The following MPHOSPH8 variants were observed in gnomAD, a reference collection of about 807,000 sequenced individuals.
MPHOSPH8 encodes the protein M-phase phosphoprotein 8, also known as M-phase phosphoprotein, mpp.
Under a neutral mutation model 87.3 loss-of-function variants are expected in MPHOSPH8, and 45 were observed. The observed-to-expected ratio is 0.52, with a 90% CI of 0.41 to 0.66. MPHOSPH8 has a LOEUF of 0.66. Among genes scored for constraint, MPHOSPH8 ranks in the 30% least tolerant of loss-of-function variants. MPHOSPH8 has a pLI of 0.00. For synonymous variants in MPHOSPH8, 366 were observed against 376.9 expected (o/e 0.97, Z 0.33); for missense variants, 883 against 1,020.2 (o/e 0.87, Z 1.83).
chr13:19,659,293 A>T lies in MPHOSPH8; in HGVS notation c.1791+4A>T. On this transcript the variant is annotated splice_donor_region_variant and intron_variant, in intron 7 of 13. Transcript: ENST00000361479. Reference sequence around the variant, plus strand: ...AGAATATAACCTGGACCAAGAGGTAATATGTCGTTGAAAAATCTCATGAAA... The same window carrying T: ...AGAATATAACCTGGACCAAGAGGTATTATGTCGTTGAAAAATCTCATGAAA... 6.3e-7 allele frequency: 1 copy of T among 1,588,944 alleles called. No individual in the cohort carries two copies. The highest frequency in any genetic ancestry group is 1.1e-5 in the South Asian group (1 of 88,464).
chr13:19,650,908 C>G (rs1466692896), intron 5 of MPHOSPH8, among the ~76,000 whole-genome samples: 1 of 152,088 alleles, frequency 6.6e-6, no homozygotes, highest in Non-Finnish European at 1.5e-5. Flanking sequence ...TCTTGGATAC[C>G]GAGGGAAAAT....
At chr13:19,645,462 G>A (rs1874516585) in intron 2 of MPHOSPH8, among the ~76,000 whole-genome samples, 1 of 152,140 alleles carries the variant, frequency 6.6e-6, no homozygotes, top group Non-Finnish European at 1.5e-5. Context: ...CTTAGGCAGT[G>A]CAGGGAAGAC....
chr13:19,664,537 C>G (rs548239607), intron 9 of MPHOSPH8, among the ~76,000 whole-genome samples: 2 of 152,278 alleles, frequency 1.3e-5, no homozygotes, highest in African/African-American at 4.8e-5. Flanking sequence ...TATTTTAATG[C>G]TGCTTAGTAC....
At chr13:19,641,135 A>G (rs1874265021) in intron 1 of MPHOSPH8, among the ~76,000 whole-genome samples, 1 of 152,124 alleles carries the variant, frequency 6.6e-6, no homozygotes, top group African/African-American at 2.4e-5. Context: ...GATCAATAAT[A>G]TACTGTTTTT....
At chr13:19,642,067 T>G in intron 1 of MPHOSPH8, 48 bp from the exon 2 acceptor site, 1 of 912,118 alleles carries the variant, frequency 1.1e-6, no homozygotes, top group Non-Finnish European at 1.5e-6. Context: ...GGAAATTTAA[T>G]CAAGTTAGCA....
intron 8 of MPHOSPH8, 125 bp downstream of exon 8, chr13:19,661,963 A>AT: frequency 1.8e-6 from 2 of 1,119,422 alleles, no homozygotes; most frequent in East Asian, 5.8e-5. Context: ...TTTTTTTTAG[A>AT]CGGAGTCTCG....
intron 5 of MPHOSPH8, among the ~76,000 whole-genome samples, chr13:19,653,675 GA>G (rs1385046404): frequency 2.0e-5 from 3 of 152,166 alleles, no homozygotes; most frequent in African/African-American, 4.8e-5. Flanking sequence ...AAGGTTAGAG[GA>G]ATTGCTGACT....
rs1006982428 is a variant in MPHOSPH8, at chr13:19,642,362, A to G, written c.369+92A>G. 163 of 1,095,688 alleles carry G rather than the reference A, an allele frequency of 1.5e-4. 3 individuals carry two copies. In the South Asian group the frequency reaches 3.0e-3, roughly 20 times the overall value. The allele number at this position is 1,095,688 out of a possible 1,614,324, so 67.9% of individuals were successfully genotyped here. On this transcript the variant is annotated intron_variant, in intron 2 of 13. Transcript: ENST00000361479. Reference sequence around the variant, plus strand: ...TATGTGTAGTAAATGATTTACAAATAACAAAGTGTACCGTATTCTTTAGTG... The same window carrying G: ...TATGTGTAGTAAATGATTTACAAATGACAAAGTGTACCGTATTCTTTAGTG...
intron 13 of MPHOSPH8, 100 bp from the exon 14 acceptor site, chr13:19,671,734 C>T (rs1043806834): frequency 9.4e-7 from 1 of 1,060,416 alleles, no homozygotes; most frequent in Non-Finnish European, 1.4e-6. Context: ...GAAAATATTG[C>T]CAAATAATAG....
intron 5 of MPHOSPH8, chr13:19,650,558 AATAG>A: frequency 7.5e-6 from 2 of 266,920 alleles, no homozygotes; most frequent in South Asian, 2.4e-4. Flanking sequence ...CTTACTATTT[AATAG>A]ATTTCTTTCA....
chr13:19,671,058 C>G, intron 12 of MPHOSPH8, 148 bp from the exon 13 acceptor site: 1 of 1,437,686 alleles, frequency 7.0e-7, no homozygotes, highest in Non-Finnish European at 9.1e-7. Context: ...TGGGCTCAAG[C>G]GATTGTCCGC....
At position 19,661,790 on chromosome 13, in the gene MPHOSPH8, C is replaced by T. The variant is rs770395972; in HGVS notation, c.1884C>T (p.Asn628=). The part of the protein sequence containing the change: ...RLLITKGAKV[N]GRQKNGTTAL... ...TCATCACAAAAGGCGCGAAAGTGAA[C>T]GGTCGGCAGAAGAACGGGACCACCG... is the stretch of plus-strand genomic sequence containing the variant. The change falls in exon 8 of 14, where the codon AAC becomes AAT. Residue 628 remains asparagine (N), a synonymous_variant. Transcript: ENST00000361479. The T allele has an allele frequency of 2.3e-5, 37 of 1,613,174 alleles. No individual in the cohort carries two copies. Among genetic ancestry groups the T allele is most frequent in the Admixed American group, 8.3e-5 (5 of 59,902 alleles).
At position 19,669,290 on chromosome 13, in the gene MPHOSPH8, G is replaced by A. The variant is rs1031050637; in HGVS notation, c.2329+759G>A. Among the ~76,000 whole-genome samples the A allele has an allele frequency of 2.7e-5, 4 of 150,572 alleles. No homozygotes were observed. The South Asian group carries it at 6.3e-4, about 24-fold the overall frequency. ...TCTGCCTTCTGGCTTCAAGTGATCC[G>A]CCTGCCTCAGCCTCCCAAAGTGCTG... On this transcript the variant is annotated intron_variant, in intron 11 of 13. Transcript: ENST00000361479.
At chr13:19,649,792 A>G (rs2137515795) in intron 4 of MPHOSPH8, among the ~76,000 whole-genome samples, 1 of 152,368 alleles carries the variant, frequency 6.6e-6, no homozygotes, top group East Asian at 1.9e-4. Flanking sequence ...CACACTGGAC[A>G]TCCTTTCTGA....
At chr13:19,659,754 A>G (rs996124660) in intron 7 of MPHOSPH8, 4 of 336,208 alleles carry the variant, frequency 1.2e-5, no homozygotes, top group Non-Finnish European at 1.8e-5. Context: ...TTTAATTCCA[A>G]CCCCCTCCCC....
At chr13:19,642,492 G>C (rs1470065423) in intron 2 of MPHOSPH8, among the ~76,000 whole-genome samples, 1 of 152,134 alleles carries the variant, frequency 6.6e-6, no homozygotes, top group Non-Finnish European at 1.5e-5. Context: ...AGAATAGTTT[G>C]GAGATGAATA....
intron 1 of MPHOSPH8, among the ~76,000 whole-genome samples, chr13:19,640,815 G>A (rs1015398584): frequency 5.3e-5 from 8 of 152,154 alleles, no homozygotes; most frequent in South Asian, 4.1e-4. Flanking sequence ...GAGCGTTTTT[G>A]TACTATTTTT....
Position 19,633,689 on chromosome 13 carries a change from A to T in MPHOSPH8, c.-60A>T. 1.3e-6 allele frequency: 2 copies of T among 1,534,818 alleles called. No homozygotes were observed. Among genetic ancestry groups the T allele is most frequent in the Non-Finnish European group, 1.8e-6 (2 of 1,133,020 alleles). On this transcript the variant is annotated 5_prime_UTR_variant, in exon 1 of 14. Transcript: ENST00000361479. ...GGAGTAGGGCCGAGCGCGGAACGCG[A>T]GGGGCTGCTGGGGTGTTTGTCGCAG...
intron 3 of MPHOSPH8, among the ~76,000 whole-genome samples, chr13:19,648,116 G>C (rs1479511800): frequency 6.6e-6 from 1 of 151,808 alleles, no homozygotes; most frequent in Non-Finnish European, 1.5e-5. Flanking sequence ...AATAGTCATG[G>C]TTGGTTAAGA....
Sources: gnomAD v4.1 joint callset for allele counts (sites outside exome capture counted in the v4.1 genomes callset) on GRCh38, gnomAD v4.1.1 for gene constraint, MANE v1.5 for transcripts, NCBI Gene and HGNC (gene_info 2026-07-23, HGNC 2026-07-21) for gene names.